BMPR1B: variants seen among roughly 807,000 people sequenced by gnomAD.
BMPR1B encodes bone morphogenetic protein receptor type-1B.
BMPR1B carries 12 observed loss-of-function variants against 59.1 expected under a neutral mutation model. The ratio of observed to expected loss-of-function variants is 0.20; its 90% CI spans 0.13 to 0.33. The LOEUF (loss-of-function observed/expected upper bound fraction) is 0.33, where lower values mean the gene tolerates loss of function less well. Among genes scored for constraint, BMPR1B ranks in the 10% least tolerant of loss-of-function variants. The probability of loss-of-function intolerance (pLI) is 1.00; values close to 1 mark genes in which losing one functional copy is unlikely to be tolerated. For missense variants in BMPR1B, 550 were observed against 610.9 expected (o/e 0.90, Z 1.05); for synonymous variants, 237 against 207.3 (o/e 1.14, Z -1.23).
At chr4:94,925,485 C>T (rs1468510242) in intron 2 of BMPR1B, among the ~76,000 whole-genome samples, 2 of 152,078 alleles carry the variant, frequency 1.3e-5, no homozygotes, top group Non-Finnish European at 2.9e-5. Context: ...CACATACTGG[C>T]TTCCAAACCT....
chr4:95,038,442 A>G (rs914261845), intron 3 of BMPR1B, among the ~76,000 whole-genome samples: 2 of 152,178 alleles, frequency 1.3e-5, no homozygotes, highest in Non-Finnish European at 2.9e-5. Context: ...CTTTATTTCC[A>G]TAGGCTATTT....
chr4:95,062,147 T>G (rs999457438), intron 3 of BMPR1B, among the ~76,000 whole-genome samples: 15 of 152,160 alleles, frequency 9.9e-5, no homozygotes, highest in African/African-American at 2.7e-4. Flanking sequence ...TCAGGTAGTT[T>G]TTTTTTATAG....
intron 2 of BMPR1B, among the ~76,000 whole-genome samples, chr4:94,981,000 C>T (rs1721031363): frequency 8.6e-6 from 1 of 116,026 alleles, no homozygotes; most frequent in Non-Finnish European, 1.8e-5. Flanking sequence ...ATCACACACA[C>T]ACACACACAC....
At chr4:95,028,533 AG>A (rs1724584742) in intron 3 of BMPR1B, among the ~76,000 whole-genome samples, 1 of 152,164 alleles carries the variant, frequency 6.6e-6, no homozygotes, top group Non-Finnish European at 1.5e-5. Flanking sequence ...TCTAAATGGC[AG>A]GAGAAACTTT....
intron 10 of BMPR1B, among the ~76,000 whole-genome samples, chr4:95,132,196 C>G (rs1461919083): frequency 6.6e-6 from 1 of 152,070 alleles, no homozygotes; most frequent in Non-Finnish European, 1.5e-5. Flanking sequence ...GTTTGGAAAA[C>G]AAAACAAAAT....
chr4:95,136,553 G>T (rs187287890), intron 10 of BMPR1B, among the ~76,000 whole-genome samples: 1 of 152,072 alleles, frequency 6.6e-6, no homozygotes, highest in African/African-American at 2.4e-5. Flanking sequence ...ACTTTTTTTC[G>T]TTGGTAGGCT....
At chr4:94,825,989 C>T (rs1724368146) in intron 1 of BMPR1B, among the ~76,000 whole-genome samples, 1 of 151,642 alleles carries the variant, frequency 6.6e-6, no homozygotes, top group Non-Finnish European at 1.5e-5. Flanking sequence ...TTACTTTTTC[C>T]CCAGTGCCAT....
At chr4:94,763,036 C>T (rs533829503) in intron 1 of BMPR1B, among the ~76,000 whole-genome samples, 1 of 152,040 alleles carries the variant, frequency 6.6e-6, no homozygotes, top group Non-Finnish European at 1.5e-5. Context: ...GCTTCTTCCA[C>T]GTGAGAGCCT....
intron 3 of BMPR1B, among the ~76,000 whole-genome samples, chr4:95,039,544 C>A (rs1725502873): frequency 1.3e-5 from 2 of 151,616 alleles, no homozygotes; most frequent in East Asian, 3.9e-4. Context: ...TTACGAAGAG[C>A]TGCTATTTCT....
At chr4:94,983,819 G>T (rs549255230) in intron 2 of BMPR1B, among the ~76,000 whole-genome samples, 3 of 152,174 alleles carry the variant, frequency 2.0e-5, no homozygotes, top group Admixed American at 1.3e-4. Flanking sequence ...GGCCTTTGCC[G>T]TATTGTAATT....
intron 10 of BMPR1B, among the ~76,000 whole-genome samples, chr4:95,139,512 G>A (rs1734056697): frequency 6.6e-6 from 1 of 152,230 alleles, no homozygotes; most frequent in Non-Finnish European, 1.5e-5. Context: ...TGCCCCCAGA[G>A]GTGGAGTCTA....
intron 3 of BMPR1B, among the ~76,000 whole-genome samples, chr4:95,069,020 G>A (rs1005903581): frequency 6.6e-6 from 1 of 152,110 alleles, no homozygotes; most frequent in African/African-American, 2.4e-5. Context: ...TTGAAGCTTA[G>A]GTTTTTACCA....
chr4:94,855,022 A>T (rs1217118669), intron 1 of BMPR1B, among the ~76,000 whole-genome samples: 1 of 152,200 alleles, frequency 6.6e-6, no homozygotes, highest in Non-Finnish European at 1.5e-5. Flanking sequence ...ATTGGATGGC[A>T]CCAACCATAA....
intron 2 of BMPR1B, among the ~76,000 whole-genome samples, chr4:94,910,222 G>A (rs1194595070): frequency 3.9e-5 from 6 of 152,112 alleles, no homozygotes; most frequent in Non-Finnish European, 8.8e-5. Flanking sequence ...CAACTAAGGG[G>A]CCCTGAGGTA....
At chr4:94,877,032 TC>T (rs1381761700) in intron 2 of BMPR1B, among the ~76,000 whole-genome samples, 1 of 152,062 alleles carries the variant, frequency 6.6e-6, no homozygotes, top group African/African-American at 2.4e-5. Context: ...ATTACTCCTT[TC>T]GGGGCTATAA....
At chr4:94,891,123 AAT>A (rs1727376640) in intron 2 of BMPR1B, among the ~76,000 whole-genome samples, 2 of 152,106 alleles carry the variant, frequency 1.3e-5, no homozygotes, top group Non-Finnish European at 2.9e-5. Context: ...ACAATATCCT[AAT>A]ATGTGCATTG....
chr4:95,068,093 G>T (rs1727985283), intron 3 of BMPR1B, among the ~76,000 whole-genome samples: 2 of 152,206 alleles, frequency 1.3e-5, no homozygotes, highest in Non-Finnish European at 2.9e-5. Context: ...GGGGTAGTGA[G>T]CAGCTAAGTT....
intron 4 of BMPR1B, among the ~76,000 whole-genome samples, chr4:95,113,031 G>A (rs895062065): frequency 6.6e-6 from 1 of 152,044 alleles, no homozygotes; most frequent in Non-Finnish European, 1.5e-5. Flanking sequence ...GATGAGAAAT[G>A]TAAGTTATAC....
intron 2 of BMPR1B, among the ~76,000 whole-genome samples, chr4:94,962,121 TTCTTTCCTTCCTTCC>T: frequency 7.7e-6 from 1 of 129,374 alleles, no homozygotes; most frequent in Non-Finnish European, 1.6e-5. Flanking sequence ...CCTTCCTTCC[TTCTTTCCTTCCTTCC>T]TTCCTTTCTT....
Sources: allele counts gnomAD v4.1 joint callset (sites outside exome capture counted in the v4.1 genomes callset), GRCh38; gene constraint gnomAD v4.1.1; transcripts MANE v1.5; gene names NCBI Gene and HGNC (gene_info 2026-07-23, HGNC 2026-07-21).